THEMIS: variants seen among roughly 807,000 people sequenced by gnomAD.
THEMIS encodes the protein thymocyte selection associated, also known as protein THEMIS.
THEMIS carries 37 observed loss-of-function variants against 52.6 expected under a neutral mutation model. The observed-to-expected ratio is 0.70, with a 90% CI of 0.54 to 0.93. The LOEUF is 0.93. Among genes scored for constraint, THEMIS ranks in the 40% least tolerant of loss-of-function variants. The probability of loss-of-function intolerance (pLI) is 0.00; values close to 1 mark genes in which losing one functional copy is unlikely to be tolerated. For missense variants in THEMIS, 808 were observed against 763.1 expected (o/e 1.06, Z -0.69); for synonymous variants, 292 against 272.7 (o/e 1.07, Z -0.70).
intron 2 of THEMIS, among the ~76,000 whole-genome samples, chr6:127,850,904 C>T (rs901786943): frequency 2.0e-5 from 3 of 151,486 alleles, no homozygotes; most frequent in African/African-American, 4.8e-5. Context: ...ATAATAATAA[C>T]ATAACCTGTC....
chr6:127,807,971 C>T (rs1368892212), intron 4 of THEMIS, among the ~76,000 whole-genome samples: 1 of 152,154 alleles, frequency 6.6e-6, no homozygotes, highest in Non-Finnish European at 1.5e-5. Flanking sequence ...TTTTTCAGCC[C>T]TCACTCTAAT....
At position 127,916,825 on chromosome 6, in the gene THEMIS, A is replaced by T. The variant is rs77426378; in HGVS notation, c.-150+1603T>A. On this transcript the variant is annotated intron_variant, in intron 1 of 6. Transcript: ENST00000368250. ...TCAAATAATGTACTACCAGGGAATT[A>T]TTTCCGATTGCTTTGAGTCAGAGGA... Among the ~76,000 whole-genome samples the T allele has an allele frequency of 6.6e-3, 1,007 of 152,316 alleles. 24 individuals carry two copies. Among genetic ancestry groups the T allele is most frequent in the East Asian group, 0.026 (133 of 5,188 alleles).
At chr6:127,756,548 C>T (rs1775833830) in intron 4 of THEMIS, among the ~76,000 whole-genome samples, 1 of 152,196 alleles carries the variant, frequency 6.6e-6, no homozygotes, top group South Asian at 2.1e-4. Context: ...TCCTCTGTCA[C>T]TCAGCTGCAT....
intron 3 of THEMIS, among the ~76,000 whole-genome samples, chr6:127,819,555 T>C (rs535905939): frequency 6.6e-6 from 1 of 152,240 alleles, no homozygotes; most frequent in South Asian, 2.1e-4. Flanking sequence ...AAAAACACCT[T>C]ATCTATAGAG....
At chr6:127,865,266 C>G (rs1779938348) in intron 1 of THEMIS, among the ~76,000 whole-genome samples, 1 of 152,092 alleles carries the variant, frequency 6.6e-6, no homozygotes, top group Admixed American at 6.6e-5. Flanking sequence ...TCCATGCTAA[C>G]AGATGTTAGA....
intron 1 of THEMIS, among the ~76,000 whole-genome samples, chr6:127,874,696 G>T (rs1332901484): frequency 6.6e-6 from 1 of 152,120 alleles, no homozygotes; most frequent in African/African-American, 2.4e-5. Context: ...ACTCAAAATG[G>T]ATTCTGAACT....
At chr6:127,767,083 T>C (rs960159519) in intron 4 of THEMIS, among the ~76,000 whole-genome samples, 1 of 151,732 alleles carries the variant, frequency 6.6e-6, no homozygotes, top group South Asian at 2.1e-4. Context: ...TGTACAAAAA[T>C]ATTTTCTTTT....
intron 4 of THEMIS, among the ~76,000 whole-genome samples, chr6:127,779,687 A>G (rs1776680400): frequency 6.6e-6 from 1 of 152,192 alleles, no homozygotes. Flanking sequence ...TATCAAAAAT[A>G]GTGGAGCTTG....
chr6:127,771,621 C>T (rs1327476123), intron 4 of THEMIS, among the ~76,000 whole-genome samples: 2 of 152,146 alleles, frequency 1.3e-5, no homozygotes, highest in Non-Finnish European at 2.9e-5. Context: ...ACATCTACAA[C>T]ATTCTGATCT....
chr6:127,868,436 A>G lies in THEMIS; in HGVS notation c.92-13248T>C. 3.0e-6 allele frequency: 3 copies of G among 985,380 alleles called. No homozygotes were observed. The South Asian group carries it at 1.4e-4, about 46-fold the overall frequency. The allele number at this position is 985,380 out of a possible 1,614,324, so 61.0% of individuals were successfully genotyped here. A position where few individuals can be genotyped will look rare whatever the true frequency, so the allele number is the denominator to read the frequency against. On this transcript the variant is annotated intron_variant, in intron 1 of 5. Coordinates refer to ENST00000368248, the MANE Select transcript of THEMIS (RefSeq NM_001010923.3). ...AAAAAGGAATGGAGAAGATGGACTT[A>G]GATTGGGGATAAAGACACCTTCAAG...
At chr6:127,891,493 G>A (rs372848637) in intron 1 of THEMIS, among the ~76,000 whole-genome samples, 2 of 140,242 alleles carry the variant, frequency 1.4e-5, no homozygotes, top group African/African-American at 5.4e-5. Flanking sequence ...CTGAGATTGC[G>A]CCACTACATT....
chr6:127,883,875 A>G (rs1306941066), intron 1 of THEMIS, among the ~76,000 whole-genome samples: 2 of 152,134 alleles, frequency 1.3e-5, no homozygotes, highest in Non-Finnish European at 2.9e-5. Flanking sequence ...TTTTCAGTTT[A>G]CAGTTACAGG....
At chr6:127,854,450 A>T (rs1287002724) in intron 2 of THEMIS, among the ~76,000 whole-genome samples, 1 of 151,800 alleles carries the variant, frequency 6.6e-6, no homozygotes, top group African/African-American at 2.4e-5. Flanking sequence ...GGTGTATGTT[A>T]TGAGGCCCAA....
At chr6:127,747,001 ATAAT>A (rs1301755866) in intron 4 of THEMIS, among the ~76,000 whole-genome samples, 1 of 63,042 alleles carries the variant, frequency 1.6e-5, no homozygotes, top group Non-Finnish European at 2.6e-5. Context: ...ATAGATATCT[ATAAT>A]TATATTATAT....
chr6:127,812,134 C>T (rs916340060), intron 4 of THEMIS, among the ~76,000 whole-genome samples: 31 of 151,722 alleles, frequency 2.0e-4, no homozygotes, highest in African/African-American at 7.3e-4. Flanking sequence ...TCTGGATAAA[C>T]GACCTACACA....
intron 2 of THEMIS, among the ~76,000 whole-genome samples, chr6:127,836,833 C>T (rs1583333592): frequency 6.6e-6 from 1 of 152,190 alleles, no homozygotes. Context: ...CTTACTGGCC[C>T]CTGACGGTCC....
At chr6:127,888,270 ATG>A in intron 1 of THEMIS, among the ~76,000 whole-genome samples, 1 of 152,180 alleles carries the variant, frequency 6.6e-6, no homozygotes, top group East Asian at 1.9e-4. Flanking sequence ...TTGAGAAAAA[ATG>A]GAGGGTTTTT....
intron 4 of THEMIS, among the ~76,000 whole-genome samples, chr6:127,764,265 C>A (rs971837032): frequency 2.6e-5 from 4 of 151,704 alleles, no homozygotes; most frequent in African/African-American, 9.7e-5. Flanking sequence ...TTTCCACAGT[C>A]ATTTGCCAAA....
At chr6:127,781,588 C>A (rs959587253) in intron 4 of THEMIS, among the ~76,000 whole-genome samples, 22 of 152,052 alleles carry the variant, frequency 1.4e-4, no homozygotes, top group African/African-American at 5.3e-4. Flanking sequence ...TCTGGACATC[C>A]TTTTTCTTGA....
Sources: gnomAD v4.1 joint callset for allele counts (sites outside exome capture counted in the v4.1 genomes callset) on GRCh38, gnomAD v4.1.1 for gene constraint, MANE v1.5 for transcripts, NCBI Gene and HGNC (gene_info 2026-07-23, HGNC 2026-07-21) for gene names.